The following ADGRL2 variants were observed in gnomAD, a reference collection of about 807,000 sequenced individuals.
ADGRL2 encodes the protein calcium-independent alpha-latrotoxin receptor 2.
ADGRL2 carries 44 observed loss-of-function variants against 157.4 expected under a neutral mutation model. The observed-to-expected ratio is 0.28, with a 90% CI of 0.22 to 0.36. The LOEUF (loss-of-function observed/expected upper bound fraction) is 0.36. Among genes scored for constraint, ADGRL2 ranks in the 10% least tolerant of loss-of-function variants. ADGRL2 has a pLI of 1.00. For synonymous variants in ADGRL2, 585 were observed against 624.7 expected, an observed-to-expected ratio of 0.94 and a Z score of 0.95; for missense variants, 1,510 against 1,768.9, an observed-to-expected ratio of 0.85 and a Z score of 2.63.
At chr1:81,787,153 G>A (rs2087091872) in intron 2 of ADGRL2, among the ~76,000 whole-genome samples, 1 of 152,148 alleles carries the variant, frequency 6.6e-6, no homozygotes, top group African/African-American at 2.4e-5. Context: ...CCCCCGCCAT[G>A]TGGAACTGTA....
chr1:81,502,320 A>C, intron 2 of ADGRL2: 1 of 1,614,108 alleles, frequency 6.2e-7, no homozygotes, highest in Non-Finnish European at 8.5e-7. Flanking sequence ...AATCTGGATG[A>C]GCAGCTCAAG....
Position 81,993,379 on chromosome 1 carries a change from T to C in ADGRL2, c.*2234T>C, listed in dbSNP as rs1369505037. ...CCATACAGTATTGTGTGATGTGTAA[T>C]TCCTAGTATACAAGCTACCTAGAGT... is the stretch of plus-strand genomic sequence containing the variant. On this transcript the variant is annotated 3_prime_UTR_variant, in exon 24 of 24. Transcript: ENST00000686636. Among the ~76,000 whole-genome samples the C allele has an allele frequency of 3.3e-5, 5 of 151,930 alleles. No homozygotes were observed. The highest frequency in any genetic ancestry group is 3.3e-4 in the Admixed American group (5 of 15,246).
Position 81,766,286 on chromosome 1 carries a change from C to A in ADGRL2, c.-101+4434C>A, listed in dbSNP as rs112695801. Among the ~76,000 whole-genome samples, 152 of 152,186 alleles carry A rather than the reference C, an allele frequency of 1.0e-3. 2 individuals are homozygous for A. Among genetic ancestry groups the A allele is most frequent in the African/African-American group, 3.4e-3 (142 of 41,540 alleles). Reference sequence around the variant, plus strand: ...GCCATTGCCTTTGAAGACAGAATATCTTTCTTGATGAGTGGTTAGCCCATT... The same window carrying A: ...GCCATTGCCTTTGAAGACAGAATATATTTCTTGATGAGTGGTTAGCCCATT... On this transcript the variant is annotated intron_variant, in intron 2 of 20. Coordinates refer to the ADGRL2 transcript ENST00000359929.
chr1:81,988,737 T>A (rs1022880477), intron 23 of ADGRL2, among the ~76,000 whole-genome samples: 1 of 152,162 alleles, frequency 6.6e-6, no homozygotes, highest in African/African-American at 2.4e-5. Flanking sequence ...TATTTATTGG[T>A]CATGAAGTTT....
At position 81,952,033 on chromosome 1, in the gene ADGRL2, A is replaced by T. The variant is rs761606004; in HGVS notation, c.1685A>T (p.Asp562Val). 1 of 1,613,754 alleles carries T rather than the reference A, an allele frequency of 6.2e-7. No homozygotes were observed. Among genetic ancestry groups the T allele is most frequent in the Admixed American group, 1.7e-5 (1 of 60,004 alleles). ...KHTKGPVFAGDVSSSVRLMEQ... is the reference protein window; with the variant it reads ...KHTKGPVFAGVVSSSVRLMEQ... ...ACCAAAGGGCCAGTGTTTGCTGGGG[A>T]TGTAAGTTCTTCAGTGAGATTGATG... is the stretch of plus-strand genomic sequence containing the variant. The change falls in exon 9 of 24, where the codon GAT (aspartate) becomes GTT (valine). Residue 562 changes from aspartate to valine, a missense_variant. This residue lies in a region of ADGRL2 where 325 missense variants were observed against 333.2 expected (regional missense o/e 0.98). Coordinates refer to ENST00000686636, the MANE Select transcript of ADGRL2 (RefSeq NM_001366006.2).
intron 1 of ADGRL2, among the ~76,000 whole-genome samples, chr1:81,719,740 T>C (rs1380866280): frequency 1.3e-5 from 2 of 152,158 alleles, no homozygotes; most frequent in African/African-American, 4.8e-5. Flanking sequence ...GTCTGGGATA[T>C]GATGGTTCTT....
chr1:81,546,124 G>A (rs915331134), intron 2 of ADGRL2, among the ~76,000 whole-genome samples: 2 of 152,010 alleles, frequency 1.3e-5, no homozygotes, highest in Non-Finnish European at 2.9e-5. Flanking sequence ...ATCACCACCT[G>A]CCCCTAGAAT....
At chr1:81,685,434 T>C (rs1442982961) in intron 3 of ADGRL2, among the ~76,000 whole-genome samples, 2 of 152,160 alleles carry the variant, frequency 1.3e-5, no homozygotes, top group African/African-American at 4.8e-5. Context: ...GATTCTCCAC[T>C]TGGTTGCTGC....
intron 1 of ADGRL2, among the ~76,000 whole-genome samples, chr1:81,316,448 A>G (rs180967637): frequency 8.5e-5 from 13 of 152,274 alleles, no homozygotes; most frequent in Admixed American, 6.5e-5. Flanking sequence ...ATCTAAAAAT[A>G]TCTTTGGATT....
At chr1:81,796,994 A>G (rs906200179), upstream of ADGRL2, among the ~76,000 whole-genome samples, 2 of 152,186 alleles carry the variant, frequency 1.3e-5, no homozygotes, top group South Asian at 2.1e-4. Flanking sequence ...ATTTCTTTTC[A>G]GCCTACATGC....
At chr1:81,887,697 T>C (rs1187201129) in intron 2 of ADGRL2, among the ~76,000 whole-genome samples, 1 of 152,184 alleles carries the variant, frequency 6.6e-6, no homozygotes, top group Non-Finnish European at 1.5e-5. Flanking sequence ...GTTATTTCAA[T>C]AGAATTTGTC....
chr1:81,961,679 T>C (rs1572387164), intron 11 of ADGRL2, among the ~76,000 whole-genome samples: 2 of 151,862 alleles, frequency 1.3e-5, no homozygotes, highest in South Asian at 4.2e-4. Context: ...AGCTAATTTT[T>C]TTGTATTTTT....
chr1:81,361,153 A>G (rs958647465), intron 1 of ADGRL2, among the ~76,000 whole-genome samples: 9 of 151,914 alleles, frequency 5.9e-5, no homozygotes, highest in Non-Finnish European at 8.8e-5. Context: ...TCTATTGGGC[A>G]TCATTCGTTA....
intron 3 of ADGRL2, among the ~76,000 whole-genome samples, chr1:81,690,220 T>C (rs1275147577): frequency 6.6e-6 from 1 of 152,192 alleles, no homozygotes; most frequent in Non-Finnish European, 1.5e-5. Context: ...GGGCCAGGCA[T>C]AGTGGCTCAC....
intron 2 of ADGRL2, among the ~76,000 whole-genome samples, chr1:81,573,081 AGAGAG>A (rs1300673964): frequency 3.3e-5 from 5 of 151,992 alleles, no homozygotes; most frequent in Non-Finnish European, 5.9e-5. Context: ...TTGTTATGCA[AGAGAG>A]TATTTTTGCA....
chr1:81,719,514 T>A (rs753487160), intron 1 of ADGRL2, among the ~76,000 whole-genome samples: 62 of 152,242 alleles, frequency 4.1e-4, no homozygotes, highest in Non-Finnish European at 7.5e-4. Flanking sequence ...TTGCTATTTT[T>A]AAATATTTGT....
At chr1:81,591,073 G>A (rs189735471) in intron 3 of ADGRL2, among the ~76,000 whole-genome samples, 1 of 152,272 alleles carries the variant, frequency 6.6e-6, no homozygotes, top group Non-Finnish European at 1.5e-5. Flanking sequence ...CTGAAATGTG[G>A]CCCAAATTAT....
intron 2 of ADGRL2, among the ~76,000 whole-genome samples, chr1:81,480,245 T>C (rs79769217): frequency 2.9e-4 from 44 of 152,304 alleles, no homozygotes; most frequent in Admixed American, 2.2e-3. Context: ...AGAGACTGGT[T>C]TTATCATTTA....
chr1:81,421,240 T>C (rs900499958), intron 1 of ADGRL2, among the ~76,000 whole-genome samples: 18 of 152,264 alleles, frequency 1.2e-4, no homozygotes, highest in Non-Finnish European at 1.5e-5. Flanking sequence ...CTTAGGTTTA[T>C]TGCAAAGCCT....
Sources: allele counts gnomAD v4.1 joint callset (sites outside exome capture counted in the v4.1 genomes callset), GRCh38; gene constraint gnomAD v4.1.1; regional missense constraint gnomAD v4.1.1; transcripts MANE v1.5; gene names NCBI Gene and HGNC (gene_info 2026-07-23, HGNC 2026-07-21).